TRIP12: variants seen among roughly 807,000 people sequenced by gnomAD.
The protein encoded by TRIP12 is E3 ubiquitin-protein ligase TRIP12.
A neutral mutation model predicts 244.2 loss-of-function variants in TRIP12; 25 were observed. The ratio of observed to expected loss-of-function variants is 0.10; its 90% CI spans 0.07 to 0.14. The LOEUF is 0.14. Ranked by LOEUF, TRIP12 falls within the 10% of genes least tolerant of loss-of-function variation. TRIP12 has a pLI of 1.00. For missense variants in TRIP12, 1,677 were observed against 2,486.4 expected (o/e 0.67, Z 6.92); for synonymous variants, 905 against 873.1 (o/e 1.04, Z -0.64).
In TRIP12 at chr2:229,810,940, G is replaced by A. The variant is rs998461178; in HGVS notation, c.2161C>T (p.Arg721Cys). 2 of 1,614,008 alleles carry A rather than the reference G, an allele frequency of 1.2e-6. No homozygotes were observed. The highest frequency in any genetic ancestry group is 1.1e-5 in the South Asian group (1 of 91,068). The part of the protein sequence containing the change: ...LSSGMFIMVV[R>C]MFSLMCSNCP... ...TTGGAACACATCAGAGAAAACATGC[G>A]AACCACCATTATAAACATCCCAGAA... The change falls in exon 15 of 42, where the codon CGC becomes TGC. Residue 721 changes from arginine to cysteine, a missense_variant. Physicochemically the swap from Arg to Cys is radical, Grantham distance 180 (BLOSUM62 -3). Transcript: ENST00000675903.
intron 5 of TRIP12, among the ~76,000 whole-genome samples, chr2:229,839,621 G>A (rs530148753): frequency 5.3e-5 from 8 of 151,986 alleles, no homozygotes; most frequent in African/African-American, 1.4e-4. Flanking sequence ...AGAGTTTGCA[G>A]TGAGCCGAGA....
At position 229,778,648 on chromosome 2, in the gene TRIP12, G is replaced by T. The variant is rs541712908; in HGVS notation, c.5210-61C>A. ...GTTTCCAAAAACAAAACAAAACCTGGTAACTAAGAACATTTAAGAAATTAA... is the reference window on the plus strand; with the variant it reads ...GTTTCCAAAAACAAAACAAAACCTGTTAACTAAGAACATTTAAGAAATTAA... On this transcript the variant is annotated intron_variant, in intron 35 of 41. Coordinates refer to ENST00000675903, the MANE Select transcript of TRIP12 (RefSeq NM_001348323.3). This position sits in a 1 kb window ranked among gnomAD's most constrained non-coding sequence, Gnocchi z 4.1. 229 of 1,573,050 alleles carry T rather than the reference G, an allele frequency of 1.5e-4. No individual in the cohort carries two copies. Among genetic ancestry groups the T allele is most frequent in the Admixed American group, 6.7e-4 (35 of 52,498 alleles).
intron 8 of TRIP12, among the ~76,000 whole-genome samples, chr2:229,827,341 A>C (rs1201648128): frequency 6.6e-6 from 1 of 152,058 alleles, no homozygotes; most frequent in African/African-American, 2.4e-5. Flanking sequence ...TTTTTACTTC[A>C]TAAACTTTTG....
At chr2:229,902,240 T>C (rs1477586207) in intron 1 of TRIP12, among the ~76,000 whole-genome samples, 1 of 151,954 alleles carries the variant, frequency 6.6e-6, no homozygotes, top group Non-Finnish European at 1.5e-5. Flanking sequence ...AAAAATTAGC[T>C]GGGCATAGTG....
chr2:229,795,693 T>A (rs375799137), intron 25 of TRIP12, among the ~76,000 whole-genome samples: 1 of 152,192 alleles, frequency 6.6e-6, no homozygotes, highest in Non-Finnish European at 1.5e-5. Context: ...TAATATACAG[T>A]GCTATTCAGA....
intron 11 of TRIP12, 100 bp from the exon 12 acceptor site, chr2:229,814,425 T>C (rs2048004169): frequency 1.8e-6 from 2 of 1,128,134 alleles, no homozygotes; most frequent in East Asian, 2.5e-5. Context: ...ATGTATACTA[T>C]CTCTAACATG....
chr2:229,798,048 C>T (rs2043245208), intron 23 of TRIP12, among the ~76,000 whole-genome samples: 1 of 152,218 alleles, frequency 6.6e-6, no homozygotes, highest in African/African-American at 2.4e-5. Context: ...CACTGCAGGT[C>T]ATTACATGAA....
chr2:229,916,660 T>C (rs2075446804), intron 1 of TRIP12, among the ~76,000 whole-genome samples: 1 of 152,204 alleles, frequency 6.6e-6, no homozygotes, highest in African/African-American at 2.4e-5. Flanking sequence ...CTTTTTCTTC[T>C]ATCCAATTCA....
chr2:229,799,566 G>C (rs1380688788), intron 21 of TRIP12, among the ~76,000 whole-genome samples, 183 bp from the exon 22 acceptor site: 2 of 152,110 alleles, frequency 1.3e-5, no homozygotes, highest in Admixed American at 6.5e-5. Context: ...CACGAGGTCA[G>C]GAGATCAAGA....
At chr2:229,844,352 A>G (rs2057137470) in intron 4 of TRIP12, among the ~76,000 whole-genome samples, 1 of 152,260 alleles carries the variant, frequency 6.6e-6, no homozygotes, top group Admixed American at 6.5e-5. Flanking sequence ...CACCAAAGGT[A>G]GGTCACTACC....
intron 29 of TRIP12, 127 bp from the exon 30 acceptor site, chr2:229,791,378 G>A: frequency 9.1e-7 from 1 of 1,104,552 alleles, no homozygotes; most frequent in Non-Finnish European, 1.3e-6. Flanking sequence ...TCTCTCCCTA[G>A]TGTGAATCTG....
At chr2:229,790,516 CGGCAGGG>C (rs1243994974) in intron 30 of TRIP12, among the ~76,000 whole-genome samples, 2 of 83,994 alleles carry the variant, frequency 2.4e-5, no homozygotes, top group Non-Finnish European at 2.3e-5. Flanking sequence ...ACTGTGGTGG[CGGCAGGG>C]GGCAGGGAGC....
chr2:229,795,824 T>G (rs1234471675), intron 25 of TRIP12, among the ~76,000 whole-genome samples: 1 of 152,214 alleles, frequency 6.6e-6, no homozygotes, highest in Non-Finnish European at 1.5e-5. Flanking sequence ...TACATAATAC[T>G]GTCACGCTTC....
chr2:229,768,958 A>G (rs939763207), intron 40 of TRIP12, among the ~76,000 whole-genome samples: 8 of 152,246 alleles, frequency 5.3e-5, no homozygotes, highest in Non-Finnish European at 7.3e-5. Context: ...CTGCTTTACT[A>G]TATGTAATAA....
intron 1 of TRIP12, among the ~76,000 whole-genome samples, chr2:229,894,964 G>A (rs1002764044): frequency 8.5e-5 from 13 of 152,246 alleles, no homozygotes; most frequent in African/African-American, 3.1e-4. Context: ...GGCACCTTTA[G>A]GCCTCGGAAA....
chr2:229,915,460 A>G (rs1286648670), intron 1 of TRIP12, among the ~76,000 whole-genome samples: 1 of 152,218 alleles, frequency 6.6e-6, no homozygotes, highest in Admixed American at 6.5e-5. Flanking sequence ...AAATTTTAAA[A>G]ATAGGACATT....
rs986636922 is a variant in TRIP12, at chr2:229,858,816, T to G, written c.983A>C (p.Glu328Ala). 4 of 1,609,402 alleles carry G rather than the reference T, an allele frequency of 2.5e-6. No individual in the cohort carries two copies. Among genetic ancestry groups the G allele is most frequent in the Admixed American group, 3.3e-5 (2 of 59,884 alleles). ...KLSLPGSSKS[E>A]TSKPGPSGLQ... is the part of the protein sequence containing the mutation. ...TCCAGAAGGTCCAGGTTTTGATGTC[T>G]CTGACTTAGAAGACCCTGGAAGAGA... The change falls in exon 4 of 42, where the codon GAG becomes GCG. Residue 328 changes from glutamate (E) to alanine (A), a missense_variant. Coordinates refer to ENST00000675903, the MANE Select transcript of TRIP12 (RefSeq NM_001348323.3).
Position 229,795,273 on chromosome 2 carries a change from C to A in TRIP12, c.3874G>T (p.Ala1292Ser), listed in dbSNP as rs2042531757. The A allele has an allele frequency of 2.5e-6, 4 of 1,613,960 alleles. No homozygotes were observed. Among genetic ancestry groups the A allele is most frequent in the Non-Finnish European group, 3.4e-6 (4 of 1,179,946 alleles). Residue 1292 changes from alanine (A) to serine (S), a missense_variant, in exon 26 of 42, where the codon GCA becomes TCA. Ala to Ser is a moderately conservative substitution (Grantham distance 99, BLOSUM62 1). Around this residue, in one of 11 missense-constraint regions of TRIP12, gnomAD observed 77 missense variants for 69.2 expected, o/e 1.11. Coordinates refer to ENST00000675903, the MANE Select transcript of TRIP12 (RefSeq NM_001348323.3). ...CAGTTGTTCATCTTGTGAACTAATG[C>A]CAACAAAGGTGCATTACCCACTGGT... ...VEPVGNAPLLALVHKMNNCLS... is the reference protein window; with the variant it reads ...VEPVGNAPLLSLVHKMNNCLS...
intron 8 of TRIP12, among the ~76,000 whole-genome samples, chr2:229,819,123 A>T (rs1575473654): frequency 3.3e-5 from 5 of 151,870 alleles, no homozygotes; most frequent in Admixed American, 3.3e-4. Flanking sequence ...TTTCCTGCAC[A>T]GATGATGGCT....
Sources: allele counts gnomAD v4.1 joint callset (sites outside exome capture counted in the v4.1 genomes callset), GRCh38; gene constraint gnomAD v4.1.1; regional missense constraint gnomAD v4.1.1; non-coding constraint Gnocchi (gnomAD v3.1); transcripts MANE v1.5; gene names NCBI Gene and HGNC (gene_info 2026-07-23, HGNC 2026-07-21).